The following RUNDC3B variants were observed in gnomAD, a reference collection of about 807,000 sequenced individuals.
RUNDC3B encodes RUN domain-containing protein 3B.
In RUNDC3B, 33 loss-of-function variants were observed where a neutral mutation model predicts 58.4. The ratio of observed to expected loss-of-function variants is 0.56; its 90% CI spans 0.43 to 0.75. The LOEUF (loss-of-function observed/expected upper bound fraction) is 0.75, where lower values mean the gene tolerates loss of function less well. RUNDC3B is among the 30% of genes least tolerant of loss of function. The pLI, the probability that RUNDC3B is intolerant of heterozygous loss-of-function variation, is 0.00. For missense variants in RUNDC3B, 501 were observed against 535.7 expected (o/e 0.94, Z 0.64); for synonymous variants, 193 against 195.2 (o/e 0.99, Z 0.10).
intron 6 of RUNDC3B, among the ~76,000 whole-genome samples, chr7:87,763,820 CCCTG>C (rs1172871747): frequency 6.6e-6 from 1 of 151,646 alleles, no homozygotes; most frequent in African/African-American, 2.4e-5. Context: ...TTTTCTAGAT[CCCTG>C]ACTAAGAACA....
At chr7:87,772,132 C>T (rs548076598) in intron 7 of RUNDC3B, among the ~76,000 whole-genome samples, 54 of 151,490 alleles carry the variant, frequency 3.6e-4, no homozygotes, top group African/African-American at 1.0e-3. Context: ...AGTTAAAATA[C>T]GGTGAAATAA....
At chr7:87,828,632 C>G (rs926167527) in intron 10 of RUNDC3B, among the ~76,000 whole-genome samples, 2 of 152,166 alleles carry the variant, frequency 1.3e-5, no homozygotes, top group African/African-American at 4.8e-5. Context: ...TGCTGATGGG[C>G]TCCTAGGTTG....
intron 1 of RUNDC3B, among the ~76,000 whole-genome samples, chr7:87,645,245 G>A (rs577409022): frequency 6.6e-6 from 1 of 152,078 alleles, no homozygotes; most frequent in Non-Finnish European, 1.5e-5. Context: ...ACCACAACCA[G>A]CTAATTTTTT....
At chr7:87,654,808 G>A (rs536257313) in intron 2 of RUNDC3B, among the ~76,000 whole-genome samples, 9 of 152,032 alleles carry the variant, frequency 5.9e-5, no homozygotes, top group Admixed American at 2.0e-4. Flanking sequence ...ACCACACATC[G>A]GATAAGGGGC....
chr7:87,828,561 T>C (rs1450285286), intron 10 of RUNDC3B, among the ~76,000 whole-genome samples: 1 of 152,238 alleles, frequency 6.6e-6, no homozygotes, highest in Non-Finnish European at 1.5e-5. Flanking sequence ...TGTCATTCCT[T>C]TTTTATGGCT....
In RUNDC3B at chr7:87,797,692, G is replaced by A. The variant is rs953950483; in HGVS notation, c.957-9681G>A. 9.9e-5 allele frequency among the ~76,000 whole-genome samples: 15 copies of A among 152,240 alleles called. No individual in the cohort carries two copies. In the South Asian group the frequency reaches 2.9e-3, roughly 29 times the overall value. On this transcript the variant is annotated intron_variant, in intron 8 of 10. Transcript: ENST00000394654. ...CGTCAGTTAGGGTTTTTTGGTGGTT[G>A]CCCTGAAATTCAGTTCTTATGGAAT...
chr7:87,770,075 G>A (rs1834192130), intron 6 of RUNDC3B, among the ~76,000 whole-genome samples: 1 of 151,866 alleles, frequency 6.6e-6, no homozygotes, highest in South Asian at 2.1e-4. Context: ...GGAGTGACTG[G>A]ATCTTCTGAA....
intron 8 of RUNDC3B, among the ~76,000 whole-genome samples, chr7:87,779,492 A>G (rs1260943688): frequency 6.6e-6 from 1 of 152,176 alleles, no homozygotes; most frequent in South Asian, 2.1e-4. Flanking sequence ...CCAGAGGCAC[A>G]TAGTCTGTTG....
intron 2 of RUNDC3B, among the ~76,000 whole-genome samples, chr7:87,684,815 A>G (rs62489862): frequency 0.043 from 6,591 of 151,556 alleles, 197 homozygotes; most frequent in Middle Eastern, 0.075. Flanking sequence ...ATACACATAA[A>G]TATGCTTGAT....
chr7:87,820,932 C>T (rs894644573), intron 10 of RUNDC3B, among the ~76,000 whole-genome samples: 1 of 151,732 alleles, frequency 6.6e-6, no homozygotes, highest in African/African-American at 2.4e-5. Flanking sequence ...CAGCCAATAT[C>T]ATACTGAATG....
intron 2 of RUNDC3B, among the ~76,000 whole-genome samples, chr7:87,667,701 T>A (rs1825403116): frequency 6.6e-6 from 1 of 152,130 alleles, no homozygotes; most frequent in Admixed American, 6.6e-5. Context: ...TGAAGCGGTG[T>A]TGAATTTTAT....
chr7:87,663,737 G>A (rs1824944657), intron 2 of RUNDC3B, among the ~76,000 whole-genome samples: 1 of 152,114 alleles, frequency 6.6e-6, no homozygotes, highest in Non-Finnish European at 1.5e-5. Flanking sequence ...CATACTGAGA[G>A]GCTTAAGTAA....
chr7:87,739,435 A>T (rs1243929470), intron 4 of RUNDC3B, among the ~76,000 whole-genome samples: 2 of 152,056 alleles, frequency 1.3e-5, no homozygotes, highest in African/African-American at 2.4e-5. Context: ...ATGACTCTGA[A>T]TTTGCCACCT....
chr7:87,639,153 C>CA (rs71117547), intron 1 of RUNDC3B, among the ~76,000 whole-genome samples: 75,204 of 88,044 alleles, frequency 0.85, 32,026 homozygotes, highest in South Asian at 0.92. Flanking sequence ...GACTCCGTCT[C>CA]AAAAAAAAAA....
chr7:87,766,313 C>T (rs1377659093), intron 6 of RUNDC3B, among the ~76,000 whole-genome samples: 1 of 152,124 alleles, frequency 6.6e-6, no homozygotes, highest in Non-Finnish European at 1.5e-5. Flanking sequence ...GCTTTGTAAT[C>T]TCAATTGTGT....
chr7:87,756,098 A>G (rs1833355967), intron 6 of RUNDC3B, among the ~76,000 whole-genome samples: 1 of 152,166 alleles, frequency 6.6e-6, no homozygotes, highest in African/African-American at 2.4e-5. Context: ...TTAGTCAGTT[A>G]CATACATATT....
chr7:87,676,523 G>A (rs570235833), intron 2 of RUNDC3B, among the ~76,000 whole-genome samples: 7 of 151,774 alleles, frequency 4.6e-5, no homozygotes, highest in Non-Finnish European at 1.0e-4. Flanking sequence ...GGCCAACATG[G>A]TGAAACCCCA....
intron 1 of RUNDC3B, among the ~76,000 whole-genome samples, chr7:87,632,887 T>C (rs565377110): frequency 3.3e-5 from 5 of 152,350 alleles, no homozygotes; most frequent in African/African-American, 1.2e-4. Flanking sequence ...TTTAAGTCAA[T>C]ACTTTTAAGA....
At chr7:87,766,540 T>A (rs1833988832) in intron 6 of RUNDC3B, among the ~76,000 whole-genome samples, 1 of 152,138 alleles carries the variant, frequency 6.6e-6, no homozygotes, top group South Asian at 2.1e-4. Context: ...TGGCTAGTGT[T>A]TTTTTCTCTA....
Sources: allele counts gnomAD v4.1 joint callset (sites outside exome capture counted in the v4.1 genomes callset), GRCh38; gene constraint gnomAD v4.1.1; transcripts MANE v1.5; gene names NCBI Gene and HGNC (gene_info 2026-07-23, HGNC 2026-07-21).